Variants in CABP7 observed in about 807,000 individuals in gnomAD.
The protein encoded by CABP7 is calcium-binding protein 7.
CABP7 carries 13 observed loss-of-function variants against 23.1 expected under a neutral mutation model. The observed-to-expected ratio is 0.56, with a 90% CI of 0.37 to 0.90. CABP7 has a LOEUF of 0.90. CABP7 is among the 40% of genes least tolerant of loss of function. The pLI, the probability that CABP7 is intolerant of heterozygous loss-of-function variation, is 0.01. For synonymous variants in CABP7, 123 were observed against 115.3 expected (o/e 1.07, Z -0.43); for missense variants, 248 against 295.6 (o/e 0.84, Z 1.18).
chr22:29,722,345 C>G (rs531884479), intron 1 of CABP7, among the ~76,000 whole-genome samples: 1 of 152,354 alleles, frequency 6.6e-6, no homozygotes, highest in South Asian at 2.1e-4. Flanking sequence ...AACGACATGG[C>G]GTGCTGGCAG....
At chr22:29,722,575 A>C (rs1419908284) in intron 1 of CABP7, among the ~76,000 whole-genome samples, 3 of 152,248 alleles carry the variant, frequency 2.0e-5, no homozygotes, top group African/African-American at 2.4e-5. Context: ...GAAGGCAAGA[A>C]GTTTTCCATG....
chr22:29,721,716 G>C (rs1281019939), intron 1 of CABP7, among the ~76,000 whole-genome samples: 6 of 152,144 alleles, frequency 3.9e-5, no homozygotes, highest in South Asian at 2.1e-4. Context: ...GTCGGGGGAA[G>C]ATCCAGAGAG....
rs1387944858 is a variant in CABP7, at chr22:29,727,055, C to T, written c.110-607C>T. On this transcript the variant is annotated intron_variant, in intron 1 of 4. Coordinates refer to ENST00000216144, the MANE Select transcript of CABP7 (RefSeq NM_182527.3). The surrounding 1 kb of genome is among the most constrained non-coding windows in gnomAD (Gnocchi z 4.2). ...CTTCTGCTCCGTACAGTGTGGAGGG[C>T]GACCCCCCACCCAGTCTGGTCTGGC... Among the ~76,000 whole-genome samples, 3 of 152,142 alleles carry T rather than the reference C, an allele frequency of 2.0e-5. No homozygotes were observed. Among genetic ancestry groups the T allele is most frequent in the Admixed American group, 6.5e-5 (1 of 15,274 alleles).
intron 1 of CABP7, among the ~76,000 whole-genome samples, chr22:29,721,137 GACA>G (rs1011320570): frequency 1.3e-4 from 20 of 152,112 alleles, no homozygotes; most frequent in Non-Finnish European, 5.9e-5. Flanking sequence ...AGGCGGTGGC[GACA>G]ACAAGTGGCC....
intron 1 of CABP7, among the ~76,000 whole-genome samples, chr22:29,726,529 T>G (rs1221716533): frequency 6.6e-6 from 1 of 152,270 alleles, no homozygotes; most frequent in Non-Finnish European, 1.5e-5. Context: ...GGCCGGCCGC[T>G]GGGGCTCTCT....
chr22:29,725,208 G>T (rs978204127), intron 1 of CABP7, among the ~76,000 whole-genome samples: 3 of 152,130 alleles, frequency 2.0e-5, no homozygotes, highest in Non-Finnish European at 4.4e-5. Flanking sequence ...GCAGGCAGGT[G>T]GGGATGGCAT....
At chr22:29,725,929 A>G (rs537469449) in intron 1 of CABP7, among the ~76,000 whole-genome samples, 4 of 152,254 alleles carry the variant, frequency 2.6e-5, no homozygotes, top group Admixed American at 2.6e-4. Flanking sequence ...AGGGACCGGA[A>G]TCCCCTCAGC....
chr22:29,722,995 G>A (rs1432059372), intron 1 of CABP7, among the ~76,000 whole-genome samples: 1 of 152,256 alleles, frequency 6.6e-6, no homozygotes, highest in Non-Finnish European at 1.5e-5. Context: ...AGCTCATGGA[G>A]TGACCTTGGG....
rs760438926 is a variant in CABP7, at chr22:29,729,478, G to C, written c.557G>C (p.Arg186Pro). Residue 186 changes from arginine (R) to proline (P), a missense_variant, in exon 5 of 5, where the codon CGC becomes CCC. By Grantham distance (103) the Arg-to-Pro change is moderately radical (BLOSUM62 -2). Transcript: ENST00000216144. ...SNQQIRQTCV[R>P]KSLICAFAIA... Reference sequence around the variant, plus strand: ...CAGCAGATCCGCCAGACTTGCGTGCGCAAGAGTCTCATCTGCGCCTTCGCC... The same window carrying C: ...CAGCAGATCCGCCAGACTTGCGTGCCCAAGAGTCTCATCTGCGCCTTCGCC... The C allele has an allele frequency of 3.1e-6, 5 of 1,611,808 alleles. No homozygotes were observed. Among genetic ancestry groups the C allele is most frequent in the South Asian group, 1.1e-5 (1 of 91,086 alleles).
In CABP7 at chr22:29,720,797, G is replaced by A. The variant is rs2067755766; in HGVS notation, c.109+264G>A. 6.6e-6 allele frequency among the ~76,000 whole-genome samples: 1 copy of A among 151,270 alleles called. No individual in the cohort carries two copies. The highest frequency in any genetic ancestry group is 1.5e-5 in the Non-Finnish European group (1 of 67,690). On this transcript the variant is annotated intron_variant, in intron 1 of 4. Coordinates refer to ENST00000216144, the MANE Select transcript of CABP7 (RefSeq NM_182527.3). This position sits in a 1 kb window ranked among gnomAD's most constrained non-coding sequence, Gnocchi z 5.2. Reference sequence around the variant, plus strand: ...GCGGAAACTTGCCGGGCCCCGCAGCGGGGTCACGGGGCCGCGCAGTCGGCG... The same window carrying A: ...GCGGAAACTTGCCGGGCCCCGCAGCAGGGTCACGGGGCCGCGCAGTCGGCG...
chr22:29,729,198 G>C lies in CABP7; in HGVS notation c.510G>C (p.Val170=), dbSNP rs1289866946. 1 of 1,607,580 alleles carries C rather than the reference G, an allele frequency of 6.2e-7. No homozygotes were observed. The highest frequency in any genetic ancestry group is 1.3e-5 in the African/African-American group (1 of 74,914). ...SHLGTAEECP[V]DVETCSNQQI... is the part of the protein sequence containing the mutation. Reference sequence around the variant, plus strand: ...TGGGCACAGCCGAGGAGTGTCCCGTGGATGTGGAGAGTGAGTGGCTGGCCC... The same window carrying C: ...TGGGCACAGCCGAGGAGTGTCCCGTCGATGTGGAGAGTGAGTGGCTGGCCC... Residue 170 remains valine, a synonymous_variant, in exon 4 of 5, where the codon GTG becomes GTC. Coordinates refer to ENST00000216144, the MANE Select transcript of CABP7 (RefSeq NM_182527.3).
Position 29,727,679 on chromosome 22 carries a change from A to C in CABP7, c.127A>C (p.Lys43Gln). ...DELEEIREAF[K>Q]VFDRDGNGFI... Reference sequence around the variant, plus strand: ...CTCCTCAGAGATCCGAGAGGCCTTCAAGGTGTTTGACCGTGACGGCAATGG... The same window carrying C: ...CTCCTCAGAGATCCGAGAGGCCTTCCAGGTGTTTGACCGTGACGGCAATGG... The change falls in exon 2 of 5, where the codon AAG becomes CAG. Residue 43 changes from lysine (K) to glutamine (Q), a missense_variant. Lys to Gln is a moderately conservative substitution (Grantham distance 53, BLOSUM62 1). Coordinates refer to ENST00000216144, the MANE Select transcript of CABP7 (RefSeq NM_182527.3). This position sits in a 1 kb window ranked among gnomAD's most constrained non-coding sequence, Gnocchi z 4.2. 6.2e-7 allele frequency: 1 copy of C among 1,613,746 alleles called. No homozygotes were observed. Among genetic ancestry groups the C allele is most frequent in the Non-Finnish European group, 8.5e-7 (1 of 1,179,938 alleles).
intron 1 of CABP7, among the ~76,000 whole-genome samples, chr22:29,725,339 G>T (rs541906128): frequency 6.6e-6 from 1 of 152,122 alleles, no homozygotes; most frequent in Admixed American, 6.5e-5. Context: ...TCTGAGTAGC[G>T]GCTTCACAGC....
At position 29,729,101 on chromosome 22, in the gene CABP7, A is replaced by G. The variant is rs1369597926; in HGVS notation, c.413A>G (p.Tyr138Cys). 6.2e-7 allele frequency: 1 copy of G among 1,611,536 alleles called. No homozygotes were observed. The highest frequency in any genetic ancestry group is 2.2e-5 in the East Asian group (1 of 44,880). Residue 138 changes from tyrosine (Y) to cysteine (C), a missense_variant, in exon 4 of 5, where the codon TAC becomes TGC. By Grantham distance (194) the Tyr-to-Cys change is radical. Transcript: ENST00000216144. ...GTGGATGAGCTGAAGCGGCTGCTCT[A>G]CGACACCTTCTGCGAGCACCTGTCC... The part of the protein sequence containing the change: ...LTVDELKRLL[Y>C]DTFCEHLSMK...
intron 4 of CABP7, 61 bp downstream of exon 4, chr22:29,729,269 G>A (rs1287660997): frequency 8.2e-6 from 13 of 1,578,424 alleles, no homozygotes; most frequent in East Asian, 4.6e-5. Flanking sequence ...GGGGACGCAC[G>A]GGGTGGGGAG....
At position 29,730,059 on chromosome 22, in the gene CABP7, G is replaced by C. The variant is rs887782151; in HGVS notation, c.*490G>C. 4 of 157,032 alleles carry C rather than the reference G, an allele frequency of 2.5e-5. No individual in the cohort carries two copies. The highest frequency in any genetic ancestry group is 9.6e-5 in the African/African-American group (4 of 41,502). 9.7% of individuals were successfully genotyped at this position (157,032 alleles called of 1,614,324 possible). On this transcript the variant is annotated 3_prime_UTR_variant, in exon 5 of 5. Transcript: ENST00000216144. ...TCTCCTGGGGGAGGGTGGGAAGCCA[G>C]GGTGTCCTGGGCCTTGCTGCCTGGC...
At chr22:29,726,208 C>G (rs1401878638) in intron 1 of CABP7, among the ~76,000 whole-genome samples, 1 of 152,270 alleles carries the variant, frequency 6.6e-6, no homozygotes, top group Admixed American at 6.5e-5. Context: ...CCCAGGCAAC[C>G]CCGGTGCACA....
At chr22:29,728,954 C>A in intron 3 of CABP7, 101 bp from the exon 4 acceptor site, 1 of 1,442,956 alleles carries the variant, frequency 6.9e-7, no homozygotes, top group Non-Finnish European at 9.6e-7. Context: ...GTTTTCCAGC[C>A]CCCCAGAATC....
chr22:29,725,349 C>A (rs528463804), intron 1 of CABP7, among the ~76,000 whole-genome samples: 6 of 152,296 alleles, frequency 3.9e-5, no homozygotes, highest in Admixed American at 2.0e-4. Flanking sequence ...GGCTTCACAG[C>A]AAGCGGTATG....
Sources: gnomAD v4.1 joint callset for allele counts (sites outside exome capture counted in the v4.1 genomes callset) on GRCh38, gnomAD v4.1.1 for gene constraint, Gnocchi (gnomAD v3.1) non-coding constraint, MANE v1.5 for transcripts, NCBI Gene and HGNC (gene_info 2026-07-23, HGNC 2026-07-21) for gene names.